CTNNA3: variants seen among roughly 807,000 people sequenced by gnomAD.
The protein encoded by CTNNA3 is catenin alpha-3.
A neutral mutation model predicts 95.7 loss-of-function variants in CTNNA3; 76 were observed. That is an observed-to-expected ratio of 0.79 (90% confidence interval 0.66 to 0.96). The LOEUF (loss-of-function observed/expected upper bound fraction) is 0.96. CTNNA3 is among the 40% of genes least tolerant of loss of function. CTNNA3 has a pLI of 0.00. For synonymous variants in CTNNA3, 431 were observed against 374.4 expected, an observed-to-expected ratio of 1.15 and a Z score of -1.74; for missense variants, 1,191 against 1,089.8, an observed-to-expected ratio of 1.09 and a Z score of -1.31.
At chr10:66,783,672 G>A (rs10997381) in intron 7 of CTNNA3, among the ~76,000 whole-genome samples, 25,866 of 152,100 alleles carry the variant, frequency 0.17, 2,848 homozygotes, top group African/African-American at 0.31. Flanking sequence ...ACAATATTCA[G>A]AACCACTACC....
chr10:67,311,211 T>C (rs1020636213), intron 5 of CTNNA3, among the ~76,000 whole-genome samples: 5 of 152,130 alleles, frequency 3.3e-5, no homozygotes, highest in East Asian at 3.8e-4. Context: ...TAGACTTATA[T>C]AGCAGAAAAT....
intron 3 of CTNNA3, among the ~76,000 whole-genome samples, chr10:67,597,197 G>T (rs2133360020): frequency 6.6e-6 from 1 of 152,244 alleles, no homozygotes; most frequent in Admixed American, 6.5e-5. Flanking sequence ...CTTGGATTGG[G>T]TTTCAACTTT....
chr10:67,615,246 A>G (rs1843610281), intron 2 of CTNNA3, among the ~76,000 whole-genome samples: 1 of 152,246 alleles, frequency 6.6e-6, no homozygotes, highest in Non-Finnish European at 1.5e-5. Context: ...ACTCCGAACT[A>G]TTGAGGGACA....
intron 5 of CTNNA3, among the ~76,000 whole-genome samples, chr10:67,515,414 C>T (rs573861378): frequency 4.3e-4 from 66 of 152,254 alleles, no homozygotes; most frequent in Non-Finnish European, 8.8e-4. Flanking sequence ...ATTCTTTTCT[C>T]CTTTGGGACA....
At chr10:66,726,812 C>A (rs946814276) in intron 9 of CTNNA3, among the ~76,000 whole-genome samples, 1 of 152,126 alleles carries the variant, frequency 6.6e-6, no homozygotes, top group African/African-American at 2.4e-5. Context: ...AGATTTGTTT[C>A]ATATGTAAGT....
chr10:66,036,959 G>A (rs932675523), intron 15 of CTNNA3, among the ~76,000 whole-genome samples: 8 of 136,398 alleles, frequency 5.9e-5, no homozygotes, highest in Admixed American at 1.7e-4. Flanking sequence ...TGCAAGCTCC[G>A]CTTCGTGGGT....
intron 13 of CTNNA3, among the ~76,000 whole-genome samples, chr10:66,134,180 T>C (rs144755141): frequency 9.0e-4 from 137 of 151,904 alleles, no homozygotes; most frequent in Middle Eastern, 6.8e-3. Context: ...AAAAAGAACA[T>C]TAAAGTGATC....
At chr10:65,921,781 G>T (rs947680281) in intron 17 of CTNNA3, among the ~76,000 whole-genome samples, 1 of 152,170 alleles carries the variant, frequency 6.6e-6, no homozygotes, top group African/African-American at 2.4e-5. Context: ...TGGTAAATTG[G>T]TACCAAATGT....
At chr10:66,358,692 C>T (rs7920664) in intron 12 of CTNNA3, among the ~76,000 whole-genome samples, 69,771 of 152,008 alleles carry the variant, frequency 0.46, 18,474 homozygotes, top group Non-Finnish European at 0.59. Flanking sequence ...CCTAAAGTAT[C>T]TTTGCAATCA....
chr10:66,001,285 C>T (rs886289362), intron 15 of CTNNA3, among the ~76,000 whole-genome samples: 2 of 152,090 alleles, frequency 1.3e-5, no homozygotes, highest in African/African-American at 4.8e-5. Context: ...CTCCTTCTCC[C>T]TGGCTTCTGA....
chr10:67,070,619 T>C (rs1856390649), intron 7 of CTNNA3, among the ~76,000 whole-genome samples: 2 of 152,016 alleles, frequency 1.3e-5, no homozygotes, highest in Admixed American at 1.3e-4. Flanking sequence ...TGGTGGCGTG[T>C]GCCTGTCTTC....
rs1456156217 is a variant in CTNNA3, at chr10:66,445,068, A to T, written c.1532-65716T>A. On this transcript the variant is annotated intron_variant, in intron 11 of 17. Coordinates refer to ENST00000433211, the MANE Select transcript of CTNNA3 (RefSeq NM_013266.4). ...ACTAAACCAACAAAGATCAAAAGAGACAAAGAAGGCCATTACATAATGGTA... is the reference window on the plus strand; with the variant it reads ...ACTAAACCAACAAAGATCAAAAGAGTCAAAGAAGGCCATTACATAATGGTA... Among the ~76,000 whole-genome samples the T allele has an allele frequency of 2.6e-5, 4 of 152,110 alleles. No homozygotes were observed. The East Asian group carries it at 7.7e-4, about 29-fold the overall frequency.
chr10:67,205,865 C>T (rs1418840109), intron 6 of CTNNA3, among the ~76,000 whole-genome samples: 1 of 152,170 alleles, frequency 6.6e-6, no homozygotes, highest in East Asian at 1.9e-4. Flanking sequence ...TCTTTCTCTG[C>T]CCTTTGAAAC....
intron 12 of CTNNA3, among the ~76,000 whole-genome samples, chr10:66,309,680 C>G (rs535965156): frequency 1.2e-5 from 1 of 80,322 alleles, no homozygotes; most frequent in South Asian, 4.9e-4. Flanking sequence ...AGCGAGACTC[C>G]GTCTCAAAAA....
At chr10:66,089,900 G>A (rs2081148312) in intron 14 of CTNNA3, among the ~76,000 whole-genome samples, 1 of 151,776 alleles carries the variant, frequency 6.6e-6, no homozygotes, top group Admixed American at 6.6e-5. Flanking sequence ...AGCGAGTTCT[G>A]CATATTTTTA....
chr10:67,042,316 G>T (rs1854446338), intron 7 of CTNNA3, among the ~76,000 whole-genome samples: 1 of 152,106 alleles, frequency 6.6e-6, no homozygotes. Flanking sequence ...GACAGACAGA[G>T]CTGACTATCA....
At chr10:66,128,781 G>A (rs1373722651) in intron 13 of CTNNA3, among the ~76,000 whole-genome samples, 2 of 152,086 alleles carry the variant, frequency 1.3e-5, no homozygotes, top group African/African-American at 4.8e-5. Context: ...CAGATTTTGG[G>A]CAAAAATTAT....
intron 13 of CTNNA3, among the ~76,000 whole-genome samples, chr10:66,266,078 AGAGG>A (rs2091143132): frequency 1.3e-5 from 2 of 149,172 alleles, no homozygotes; most frequent in African/African-American, 4.9e-5. Context: ...GAAAAGAGAG[AGAGG>A]AAGGGGGGGA....
chr10:66,604,849 A>G lies in CTNNA3; in HGVS notation c.1374+16843T>C, dbSNP rs371564247. On this transcript the variant is annotated intron_variant, in intron 10 of 17. Transcript: ENST00000433211. ...ATGACTGAAGAAACATTAGTCCACA[A>G]AGATGAGAAACAACCAACACAAGAA... 3.6e-4 allele frequency among the ~76,000 whole-genome samples: 55 copies of G among 152,120 alleles called. No homozygotes were observed. In the South Asian group the frequency reaches 0.011, roughly 30 times the overall value.
Sources: gnomAD v4.1 joint callset for allele counts (sites outside exome capture counted in the v4.1 genomes callset) on GRCh38, gnomAD v4.1.1 for gene constraint, MANE v1.5 for transcripts, NCBI Gene and HGNC (gene_info 2026-07-23, HGNC 2026-07-21) for gene names.